The following PSMB7 variants were observed in gnomAD, a reference collection of about 807,000 sequenced individuals.
The protein encoded by PSMB7 is proteasome subunit beta type-7.
In PSMB7, 5 loss-of-function variants were observed where a neutral mutation model predicts 28.1. That is an observed-to-expected ratio of 0.18 (90% CI 0.09 to 0.37). PSMB7 has a LOEUF of 0.37. Ranked by LOEUF, PSMB7 falls within the 10% of genes least tolerant of loss-of-function variation. The pLI is 1.00. For synonymous variants in PSMB7, 122 were observed against 123.7 expected (o/e 0.99, Z 0.09); for missense variants, 275 against 346.2 (o/e 0.79, Z 1.63).
intron 6 of PSMB7, among the ~76,000 whole-genome samples, chr9:124,360,562 C>T (rs1020967451): frequency 1.3e-5 from 2 of 152,246 alleles, no homozygotes; most frequent in South Asian, 2.1e-4. Flanking sequence ...CTCAGTGTGG[C>T]GATGGGCGAG....
In PSMB7 at chr9:124,415,401, G is replaced by T; in HGVS notation, c.25C>A (p.Pro9Thr). Residue 9 changes from proline (P) to threonine (T), a missense_variant, in exon 1 of 8, where the codon CCA becomes ACA. Coordinates refer to ENST00000259457, the MANE Select transcript of PSMB7 (RefSeq NM_002799.4). MAAVSVYAPPVGGFSFDNC... is the reference protein window; with the variant it reads MAAVSVYATPVGGFSFDNC... ...TCAAAAGAGAAGCCTCCAACTGGTGGAGCATACACCGACACAGCCGCCATC... is the reference window on the plus strand; with the variant it reads ...TCAAAAGAGAAGCCTCCAACTGGTGTAGCATACACCGACACAGCCGCCATC... The T allele has an allele frequency of 6.2e-7, 1 of 1,614,130 alleles. No individual in the cohort carries two copies. The highest frequency in any genetic ancestry group is 8.5e-7 in the Non-Finnish European group (1 of 1,180,014).
At chr9:124,358,214 CA>C (rs1830432979) in intron 6 of PSMB7, among the ~76,000 whole-genome samples, 1 of 152,186 alleles carries the variant, frequency 6.6e-6, no homozygotes, top group Non-Finnish European at 1.5e-5. Context: ...CTCAAGTTTT[CA>C]GAAGATCTGA....
chr9:124,409,127 C>G (rs559076830), intron 4 of PSMB7, among the ~76,000 whole-genome samples: 1 of 152,218 alleles, frequency 6.6e-6, no homozygotes, highest in African/African-American at 2.4e-5. Flanking sequence ...TATCTTCCAG[C>G]TTTGTTTTGT....
chr9:124,411,642 T>C (rs1831028536), intron 4 of PSMB7, among the ~76,000 whole-genome samples: 1 of 152,136 alleles, frequency 6.6e-6, no homozygotes, highest in African/African-American at 2.4e-5. Flanking sequence ...CCAAGACCCA[T>C]ACAAACATAA....
intron 5 of PSMB7, among the ~76,000 whole-genome samples, chr9:124,392,715 T>C (rs996149262): frequency 2.0e-5 from 3 of 152,204 alleles, no homozygotes; most frequent in Non-Finnish European, 2.9e-5. Flanking sequence ...AATAGAGGTC[T>C]TCAGAATTTC....
At chr9:124,405,741 G>T (rs1435774735) in intron 4 of PSMB7, among the ~76,000 whole-genome samples, 1 of 152,124 alleles carries the variant, frequency 6.6e-6, no homozygotes, top group Non-Finnish European at 1.5e-5. Context: ...CAGTACAGTG[G>T]TATTATCACG....
chr9:124,412,495 G>GA lies in PSMB7; in HGVS notation c.255-4dup. ...CAGCTGTCCCAGCACCACAACAACT[G>GA]AAAAATCCAATTAGAAACTTAGCTG... On this transcript the variant is annotated splice_region_variant and splice_polypyrimidine_tract_variant and intron_variant, in intron 3 of 7. Transcript: ENST00000259457. The GA allele has an allele frequency of 6.2e-7, 1 of 1,612,878 alleles. No individual in the cohort carries two copies. Among genetic ancestry groups the GA allele is most frequent in the Non-Finnish European group, 8.5e-7 (1 of 1,179,520 alleles).
At chr9:124,363,881 G>T (rs1830484802) in intron 6 of PSMB7, among the ~76,000 whole-genome samples, 1 of 152,182 alleles carries the variant, frequency 6.6e-6, no homozygotes, top group Non-Finnish European at 1.5e-5. Context: ...GCCAGGAAGA[G>T]ATGTCAGCGG....
chr9:124,399,909 G>A (rs574052068), intron 5 of PSMB7, among the ~76,000 whole-genome samples: 187 of 152,214 alleles, frequency 1.2e-3, no homozygotes, highest in African/African-American at 4.4e-3. Flanking sequence ...TCTAACAAGC[G>A]AACCTAATCC....
chr9:124,414,969 G>T, intron 1 of PSMB7, 34 bp from the exon 2 acceptor site: 1 of 1,457,646 alleles, frequency 6.9e-7, no homozygotes, highest in Non-Finnish European at 9.6e-7. Flanking sequence ...GTGTTGAAGG[G>T]CAGGACCACA....
chr9:124,407,350 A>G (rs1235957994), intron 4 of PSMB7, among the ~76,000 whole-genome samples: 2 of 152,198 alleles, frequency 1.3e-5, no homozygotes, highest in East Asian at 3.9e-4. Flanking sequence ...CTTCCTAGGA[A>G]AAGATTTTAG....
chr9:124,384,578 A>C lies in PSMB7; in HGVS notation c.570+20T>G. 6.3e-7 allele frequency: 1 copy of C among 1,590,396 alleles called. No individual in the cohort carries two copies. The highest frequency in any genetic ancestry group is 1.7e-4 in the Middle Eastern group (1 of 5,954). On this transcript the variant is annotated intron_variant, in intron 6 of 7. Coordinates refer to ENST00000259457, the MANE Select transcript of PSMB7 (RefSeq NM_002799.4). ...CAGAAAAATCTTTGAAAAAGAATAA[A>C]ACTGCAGGGACTTACATACCTCCAT...
intron 6 of PSMB7, among the ~76,000 whole-genome samples, chr9:124,379,703 GC>G (rs1157312262): frequency 2.0e-5 from 3 of 152,188 alleles, no homozygotes; most frequent in Non-Finnish European, 2.9e-5. Flanking sequence ...TTTGCCCTTT[GC>G]CCCATCTTCA....
At chr9:124,405,983 G>A (rs777763843) in intron 4 of PSMB7, among the ~76,000 whole-genome samples, 16 of 151,992 alleles carry the variant, frequency 1.1e-4, no homozygotes, top group Admixed American at 2.0e-4. Flanking sequence ...ACCACACCCA[G>A]CCCACAGTCC....
At chr9:124,385,553 T>C (rs545157854) in intron 5 of PSMB7, among the ~76,000 whole-genome samples, 3 of 152,352 alleles carry the variant, frequency 2.0e-5, no homozygotes, top group Non-Finnish European at 4.4e-5. Context: ...TACTCCACTT[T>C]TGGAGAGAGG....
intron 5 of PSMB7, among the ~76,000 whole-genome samples, chr9:124,400,340 A>T (rs781722161): frequency 4.6e-5 from 7 of 152,230 alleles, no homozygotes; most frequent in Non-Finnish European, 8.8e-5. Flanking sequence ...GCGTCCTTGT[A>T]TTCTCTAGTG....
intron 7 of PSMB7, among the ~76,000 whole-genome samples, chr9:124,355,507 C>T (rs1278750101): frequency 6.6e-6 from 1 of 152,186 alleles, no homozygotes; most frequent in Admixed American, 6.5e-5. Context: ...ACCCCATCAC[C>T]GCTTCACCAT....
intron 5 of PSMB7, among the ~76,000 whole-genome samples, chr9:124,402,733 GA>G (rs1224184465): frequency 1.3e-5 from 2 of 152,150 alleles, no homozygotes; most frequent in Admixed American, 1.3e-4. Context: ...CTACTTAATA[GA>G]AAAGGTTATT....
At chr9:124,382,212 TTTTTTTTTTTTTTG>T (rs1490451548) in intron 6 of PSMB7, among the ~76,000 whole-genome samples, 1 of 94,986 alleles carries the variant, frequency 1.1e-5, no homozygotes, top group Non-Finnish European at 2.4e-5. Flanking sequence ...TTTTTTTTTT[TTTTTTTTTTTTTTG>T]AGACAAAGTC....
Sources: allele counts gnomAD v4.1 joint callset (sites outside exome capture counted in the v4.1 genomes callset), GRCh38; gene constraint gnomAD v4.1.1; transcripts MANE v1.5; gene names NCBI Gene and HGNC (gene_info 2026-07-23, HGNC 2026-07-21).